GDAP1: variants seen among roughly 807,000 people sequenced by gnomAD.
GDAP1 encodes the protein ganglioside induced differentiation associated protein 1.
In GDAP1, 34 loss-of-function variants were observed where a neutral mutation model predicts 40.1. That is an observed-to-expected ratio of 0.85 (90% confidence interval 0.64 to 1.13). GDAP1 has a LOEUF of 1.13. Ranked by LOEUF, GDAP1 falls within the 50% of genes most tolerant of loss-of-function variation. GDAP1 has a pLI of 0.00. For synonymous variants in GDAP1, 170 were observed against 157.4 expected (o/e 1.08, Z -0.60); for missense variants, 374 against 433.7 (o/e 0.86, Z 1.22).
At chr8:74,367,103 A>AAC (rs1809671485), downstream of GDAP1, 1 of 189,316 alleles carries the variant, frequency 5.3e-6, no homozygotes, top group South Asian at 9.7e-5. Flanking sequence ...TCTCTCAAAA[A>AAC]AAAAAAAAAA....
intron 2 of GDAP1, among the ~76,000 whole-genome samples, chr8:74,484,941 C>T (rs1483208148): frequency 1.3e-5 from 2 of 152,026 alleles, no homozygotes. Context: ...CTGTGGTAAC[C>T]ATTGCCCAAA....
At chr8:74,362,482 G>A (rs1158902603) in intron 4 of GDAP1, among the ~76,000 whole-genome samples, 1 of 152,024 alleles carries the variant, frequency 6.6e-6, no homozygotes, top group East Asian at 1.9e-4. Context: ...TTATCCTATC[G>A]TAGCTAAACG....
chr8:74,476,372 A>G (rs1277873721), intron 2 of GDAP1, among the ~76,000 whole-genome samples: 1 of 152,056 alleles, frequency 6.6e-6, no homozygotes, highest in Non-Finnish European at 1.5e-5. Context: ...TGGTTGCTTT[A>G]TAGTGTCAAT....
intron 2 of GDAP1, among the ~76,000 whole-genome samples, chr8:74,373,170 T>C (rs1470813433): frequency 6.6e-6 from 1 of 152,220 alleles, no homozygotes; most frequent in Non-Finnish European, 1.5e-5. Flanking sequence ...CCTTGTAGTA[T>C]AGTTTGAAGT....
chr8:74,466,470 A>G (rs1793961351), intron 2 of GDAP1, among the ~76,000 whole-genome samples: 1 of 152,204 alleles, frequency 6.6e-6, no homozygotes, highest in Non-Finnish European at 1.5e-5. Context: ...CAATGGTGAG[A>G]GCTAATGGTG....
chr8:74,409,764 A>G (rs1215720082), intron 2 of GDAP1, among the ~76,000 whole-genome samples: 1 of 150,030 alleles, frequency 6.7e-6, no homozygotes, highest in Non-Finnish European at 1.5e-5. Flanking sequence ...CCCACCTATC[A>G]TGATTGCCTA....
intron 2 of GDAP1, among the ~76,000 whole-genome samples, chr8:74,419,244 T>G (rs936799703): frequency 1.3e-5 from 2 of 152,220 alleles, no homozygotes. Context: ...ATGGTGGTTT[T>G]CTTCATAATT....
At chr8:74,391,468 T>C (rs1586819274) in intron 2 of GDAP1, among the ~76,000 whole-genome samples, 3 of 151,684 alleles carry the variant, frequency 2.0e-5, no homozygotes, top group Admixed American at 2.0e-4. Context: ...CTGGGTGAGG[T>C]GATGCCCCAC....
chr8:74,467,080 A>C (rs1407777902), intron 2 of GDAP1, among the ~76,000 whole-genome samples: 2 of 152,174 alleles, frequency 1.3e-5, no homozygotes, highest in Non-Finnish European at 2.9e-5. Context: ...GTAGGTATTT[A>C]TATATGAAGA....
intron 2 of GDAP1, among the ~76,000 whole-genome samples, chr8:74,356,716 A>ATTTTTTTTTTTTT (rs377497809): frequency 9.6e-6 from 1 of 104,338 alleles, no homozygotes; most frequent in Non-Finnish European, 1.8e-5. Flanking sequence ...ATATATATAT[A>ATTTTTTTTTTTTT]TTTTTTTTTT....
intron 2 of GDAP1, among the ~76,000 whole-genome samples, chr8:74,414,198 C>T (rs753628224): frequency 1.3e-5 from 2 of 150,182 alleles, no homozygotes; most frequent in African/African-American, 5.1e-5. Context: ...ATCTGTTGGA[C>T]TTGATCAATA....
chr8:74,465,587 A>G (rs1190088415), intron 2 of GDAP1, among the ~76,000 whole-genome samples: 1 of 152,126 alleles, frequency 6.6e-6, no homozygotes, highest in Non-Finnish European at 1.5e-5. Context: ...AGTCTGGTCA[A>G]ATTACTCATC....
At chr8:74,399,278 G>A (rs1412884865) in intron 2 of GDAP1, among the ~76,000 whole-genome samples, 1 of 149,978 alleles carries the variant, frequency 6.7e-6, no homozygotes, top group Non-Finnish European at 1.5e-5. Context: ...TTAGTCTTGG[G>A]AGGGCGTATG....
intron 2 of GDAP1, among the ~76,000 whole-genome samples, chr8:74,390,508 A>G (rs533045584): frequency 1.3e-5 from 2 of 152,330 alleles, no homozygotes; most frequent in East Asian, 3.9e-4. Flanking sequence ...TCACCAGCAG[A>G]GGCTGCAGAA....
chr8:74,411,544 T>TATAC (rs1554552798), intron 2 of GDAP1, among the ~76,000 whole-genome samples: 2 of 137,452 alleles, frequency 1.5e-5, no homozygotes, highest in Non-Finnish European at 3.2e-5. Flanking sequence ...TATATATATA[T>TATAC]ACACACAACA....
intron 2 of GDAP1, among the ~76,000 whole-genome samples, chr8:74,411,087 C>T (rs1451471743): frequency 6.7e-6 from 1 of 149,934 alleles, no homozygotes; most frequent in African/African-American, 2.5e-5. Flanking sequence ...CCTTCACTCT[C>T]TCTTTCCTGC....
At chr8:74,371,655 G>A (rs1303202554), downstream of GDAP1, among the ~76,000 whole-genome samples, 5 of 148,162 alleles carry the variant, frequency 3.4e-5, no homozygotes, top group African/African-American at 7.5e-5. Context: ...GCGAGACTCC[G>A]TCTCAAAAAA....
At chr8:74,367,131 C>T (rs922005737), downstream of GDAP1, 4 of 184,904 alleles carry the variant, frequency 2.2e-5, no homozygotes, top group South Asian at 4.2e-4. Context: ...ATTGATGCTG[C>T]TCATTAATAT....
At chr8:74,425,059 A>G (rs977954851) in intron 2 of GDAP1, among the ~76,000 whole-genome samples, 1 of 152,200 alleles carries the variant, frequency 6.6e-6, no homozygotes, top group Non-Finnish European at 1.5e-5. Flanking sequence ...CAGCTGCAGT[A>G]TCTTCATCAG....
Sources: allele counts gnomAD v4.1 joint callset (sites outside exome capture counted in the v4.1 genomes callset), GRCh38; gene constraint gnomAD v4.1.1; transcripts MANE v1.5; gene names NCBI Gene and HGNC (gene_info 2026-07-23, HGNC 2026-07-21).